The following MCEMP1 variants were observed in gnomAD, a reference collection of about 807,000 sequenced individuals.
MCEMP1 encodes mast cell expressed membrane protein 1.
In MCEMP1, 17 loss-of-function variants were observed where a neutral mutation model predicts 27.9. That is an observed-to-expected ratio of 0.61 (90% CI 0.42 to 0.91). The LOEUF (loss-of-function observed/expected upper bound fraction) is 0.91. Ranked by LOEUF, MCEMP1 falls within the 40% of genes least tolerant of loss-of-function variation. The pLI, the probability that MCEMP1 is intolerant of heterozygous loss-of-function variation, is 0.00. For missense variants in MCEMP1, 200 were observed against 204.8 expected, an observed-to-expected ratio of 0.98 and a Z score of 0.14; for synonymous variants, 88 against 76.9, an observed-to-expected ratio of 1.14 and a Z score of -0.76.
chr19:7,679,223 T>G lies in MCEMP1; in HGVS notation c.*109T>G. On this transcript the variant is annotated 3_prime_UTR_variant, in exon 7 of 7. Coordinates refer to ENST00000333598, the MANE Select transcript of MCEMP1 (RefSeq NM_174918.3). This position sits in a 1 kb window ranked among gnomAD's most constrained non-coding sequence, Gnocchi z 4.9. ...CCCCAGCCTAGTGTGAACCTGCCCC[T>G]CGTCCCACGTATAGAAAAACCTCGA... is the stretch of plus-strand genomic sequence containing the variant. The G allele has an allele frequency of 8.0e-7, 1 of 1,251,576 alleles. No homozygotes were observed. Among genetic ancestry groups the G allele is most frequent in the Non-Finnish European group, 1.1e-6 (1 of 933,822 alleles). 77.5% of individuals were successfully genotyped at this position (1,251,576 alleles called of 1,614,324 possible).
Position 7,678,725 on chromosome 19 carries a change from T to A in MCEMP1, c.448+121T>A. On this transcript the variant is annotated intron_variant, in intron 5 of 6. Coordinates refer to ENST00000333598, the MANE Select transcript of MCEMP1 (RefSeq NM_174918.3). This position sits in a 1 kb window ranked among gnomAD's most constrained non-coding sequence, Gnocchi z 4.8. ...TCCTACCCTCCCAAAGCTCAAGTTG[T>A]GGAGGGGCGATGGGTGTTACCATCT... 1 of 1,155,688 alleles carries A rather than the reference T, an allele frequency of 8.7e-7. No individual in the cohort carries two copies. The highest frequency in any genetic ancestry group is 1.3e-6 in the Non-Finnish European group (1 of 795,186). The allele number at this position is 1,155,688 out of a possible 1,614,324, so 71.6% of individuals were successfully genotyped here.
At position 7,677,934 on chromosome 19, in the gene MCEMP1, G is replaced by T. The variant is rs943628668; in HGVS notation, c.146-170G>T. ...TCTGTGATGGTGACGGTGTTAGATC[G>T]CTGAGGGTGGCTGGTGGTGGCAGTG... On this transcript the variant is annotated intron_variant, in intron 2 of 6. Transcript: ENST00000333598. This position sits in a 1 kb window ranked among gnomAD's most constrained non-coding sequence, Gnocchi z 4.6. The T allele has an allele frequency of 8.8e-7, 1 of 1,136,774 alleles. No homozygotes were observed. 70.4% of individuals were successfully genotyped at this position (1,136,774 alleles called of 1,614,324 possible).
Position 7,677,899 on chromosome 19 carries a change from G to A in MCEMP1, c.145+173G>A. 9.7e-7 allele frequency: 1 copy of A among 1,032,002 alleles called. No homozygotes were observed. Among genetic ancestry groups the A allele is most frequent in the Non-Finnish European group, 1.4e-6 (1 of 696,252 alleles). 63.9% of individuals were successfully genotyped at this position (1,032,002 alleles called of 1,614,324 possible). On this transcript the variant is annotated intron_variant, in intron 2 of 6. Transcript: ENST00000333598. The surrounding 1 kb of genome is among the most constrained non-coding windows in gnomAD (Gnocchi z 4.6). ...GATGATGACAATGTTGGGGAATGCT[G>A]GAGAGGGGGTCTGTGATGGTGACGG...
chr19:7,678,019 G>A lies in MCEMP1; in HGVS notation c.146-85G>A. On this transcript the variant is annotated intron_variant, in intron 2 of 6. Transcript: ENST00000333598. This position sits in a 1 kb window ranked among gnomAD's most constrained non-coding sequence, Gnocchi z 4.8. ...CTGCTGATGGTTTTGAGAGGAGCGAGGTGTCCATGGTGTTAGAGACAGTGA... is the reference window on the plus strand; with the variant it reads ...CTGCTGATGGTTTTGAGAGGAGCGAAGTGTCCATGGTGTTAGAGACAGTGA... 6.7e-7 allele frequency: 1 copy of A among 1,499,278 alleles called. No homozygotes were observed. The highest frequency in any genetic ancestry group is 1.4e-5 in the African/African-American group (1 of 71,374). 92.9% of individuals were successfully genotyped at this position (1,499,278 alleles called of 1,614,324 possible). A position where few individuals can be genotyped will look rare whatever the true frequency, so the allele number is the denominator to read the frequency against.
In MCEMP1 at chr19:7,677,469, C is replaced by T. The variant is rs1202869426; in HGVS notation, c.56-168C>T. 6.6e-6 allele frequency among the ~76,000 whole-genome samples: 1 copy of T among 152,014 alleles called. No individual in the cohort carries two copies. The highest frequency in any genetic ancestry group is 2.4e-5 in the African/African-American group (1 of 41,394). On this transcript the variant is annotated intron_variant, in intron 1 of 6. Transcript: ENST00000333598. The surrounding 1 kb of genome is among the most constrained non-coding windows in gnomAD (Gnocchi z 4.6). ...TGTGGATGTGTGTGTGGTGTGATCA[C>T]TCAAACTCTCACACACCCGCTCCAC... is the stretch of plus-strand genomic sequence containing the variant.
In MCEMP1 at chr19:7,677,532, C is replaced by A. The variant is rs1349517519; in HGVS notation, c.56-105C>A. The A allele has an allele frequency of 2.6e-6, 3 of 1,166,612 alleles. No individual in the cohort carries two copies. The highest frequency in any genetic ancestry group is 3.1e-5 in the African/African-American group (2 of 65,562). 72.3% of individuals were successfully genotyped at this position (1,166,612 alleles called of 1,614,324 possible). On this transcript the variant is annotated intron_variant, in intron 1 of 6. Transcript: ENST00000333598. The surrounding 1 kb of genome is among the most constrained non-coding windows in gnomAD (Gnocchi z 4.6). ...CAGATTTTAGCTTCTCACTCCTTAT[C>A]TTTCACCCCCTACAATTTATTGAGT...
chr19:7,678,119 G>A lies in MCEMP1; in HGVS notation c.161G>A (p.Arg54Lys). 1.2e-6 allele frequency: 2 copies of A among 1,608,186 alleles called. No individual in the cohort carries two copies. Among genetic ancestry groups the A allele is most frequent in the Non-Finnish European group, 1.7e-6 (2 of 1,177,376 alleles). Residue 54 changes from arginine (R) to lysine (K), a missense_variant, in exon 3 of 7, where the codon AGG becomes AAG. Transcript: ENST00000333598. The surrounding 1 kb of genome is among the most constrained non-coding windows in gnomAD (Gnocchi z 4.8). Reference protein sequence around the residue: ...RPTSQVPAQCRPPSDSTQVPC... With the variant: ...RPTSQVPAQCKPPSDSTQVPC... ...TTTGCTCCAGTCCCAGCCCAGTGCA[G>A]GCCGCCCTCAGACTCCACCCAGGTC...
rs2032575915 is a variant in MCEMP1 at position 7,678,351 on chromosome 19, T to C, written c.285T>C (p.Asn95=). The part of the protein sequence containing the change: ...IILSAFIMVK[N]AEMSKELLGF... ...GATTTTCCTGCCCCTCCTGAACAGA[T>C]GCTGAGATGTCCAAGGAGCTGCTGG... is the stretch of plus-strand genomic sequence containing the variant. Residue 95 remains asparagine, a splice_region_variant and synonymous_variant, in exon 4 of 7, where the codon AAT becomes AAC. Coordinates refer to ENST00000333598, the MANE Select transcript of MCEMP1 (RefSeq NM_174918.3). This position sits in a 1 kb window ranked among gnomAD's most constrained non-coding sequence, Gnocchi z 4.8. The C allele has an allele frequency of 1.9e-6, 3 of 1,613,908 alleles. No individual in the cohort carries two copies. Among genetic ancestry groups the C allele is most frequent in the Non-Finnish European group, 2.5e-6 (3 of 1,180,000 alleles).
Position 7,678,838 on chromosome 19 carries a change from G to T in MCEMP1, c.449-86G>T. 2.2e-6 allele frequency: 3 copies of T among 1,361,892 alleles called. No individual in the cohort carries two copies. The highest frequency in any genetic ancestry group is 1.3e-5 in the South Asian group (1 of 74,094). The allele number at this position is 1,361,892 out of a possible 1,614,324, so 84.4% of individuals were successfully genotyped here. ...CCAGGGTGGGTGTGGGGCAGGGGGG[G>T]TGCTTCCAAGGAAGGTGGGGGCTTT... On this transcript the variant is annotated intron_variant, in intron 5 of 6. Coordinates refer to ENST00000333598, the MANE Select transcript of MCEMP1 (RefSeq NM_174918.3). The surrounding 1 kb of genome is among the most constrained non-coding windows in gnomAD (Gnocchi z 4.8).
chr19:7,677,859 C>T lies in MCEMP1; in HGVS notation c.145+133C>T. The T allele has an allele frequency of 3.9e-6, 4 of 1,034,286 alleles. No homozygotes were observed. In the South Asian group the frequency reaches 4.7e-5, roughly 12 times the overall value. The allele number at this position is 1,034,286 out of a possible 1,614,324, so 64.1% of individuals were successfully genotyped here. A position where few individuals can be genotyped will look rare whatever the true frequency, so the allele number is the denominator to read the frequency against. On this transcript the variant is annotated intron_variant, in intron 2 of 6. Coordinates refer to ENST00000333598, the MANE Select transcript of MCEMP1 (RefSeq NM_174918.3). This position sits in a 1 kb window ranked among gnomAD's most constrained non-coding sequence, Gnocchi z 4.6. ...GGAAGAGGTGACAGCTGTTGACGTG[C>T]TAATGAGGTCTGTTGATGATGACAA...
Position 7,679,019 on chromosome 19 carries a change from G to C in MCEMP1, c.508+36G>C. 2 of 1,600,388 alleles carry C rather than the reference G, an allele frequency of 1.2e-6. No homozygotes were observed. Among genetic ancestry groups the C allele is most frequent in the African/African-American group, 1.3e-5 (1 of 74,840 alleles). On this transcript the variant is annotated intron_variant, in intron 6 of 6. Transcript: ENST00000333598. The surrounding 1 kb of genome is among the most constrained non-coding windows in gnomAD (Gnocchi z 4.9). ...GCCCCGACAGGAGGTGGAGGAGGGT[G>C]GGTGGGGCTTCAGATTTAGCCCCAG...
chr19:7,678,310 C>T lies in MCEMP1; in HGVS notation c.284-40C>T, dbSNP rs770333214. ...CTCCCTTGTCCTTCTCTCTCTCTCT[C>T]CCTGGGTGCTTCAAGGATTTTCCTG... On this transcript the variant is annotated intron_variant, in intron 3 of 6. Transcript: ENST00000333598. This position sits in a 1 kb window ranked among gnomAD's most constrained non-coding sequence, Gnocchi z 4.8. 1.2e-6 allele frequency: 2 copies of T among 1,614,090 alleles called. No homozygotes were observed. The highest frequency in any genetic ancestry group is 1.7e-6 in the Non-Finnish European group (2 of 1,180,024).
chr19:7,678,236 T>C lies in MCEMP1; in HGVS notation c.278T>C (p.Val93Ala). Residue 93 changes from valine (V) to alanine (A), a missense_variant, in exon 3 of 7, where the codon GTG (valine) becomes GCG (alanine). Val to Ala is a moderately conservative substitution (Grantham distance 64). Transcript: ENST00000333598. This position sits in a 1 kb window ranked among gnomAD's most constrained non-coding sequence, Gnocchi z 4.8. ...LCIILSAFIM[V>A]KNAEMSKELL... is the part of the protein sequence containing the mutation. ...ATCATCCTGTCAGCCTTCATCATGG[T>C]GAAGAGTGAGTACTTCTTGGGAGGA... 1 of 1,614,092 alleles carries C rather than the reference T, an allele frequency of 6.2e-7. No homozygotes were observed. The highest frequency in any genetic ancestry group is 8.5e-7 in the Non-Finnish European group (1 of 1,179,990).
At position 7,678,273 on chromosome 19, in the gene MCEMP1, G is replaced by A. The variant is rs74489689; in HGVS notation, c.283+32G>A. ...ACTTCTTGGGAGGAGGGTGCTGGGGGGCCTAGACTTTCTCCCTTGTCCTTC... is the reference window on the plus strand; with the variant it reads ...ACTTCTTGGGAGGAGGGTGCTGGGGAGCCTAGACTTTCTCCCTTGTCCTTC... On this transcript the variant is annotated intron_variant, in intron 3 of 6. Coordinates refer to ENST00000333598, the MANE Select transcript of MCEMP1 (RefSeq NM_174918.3). The surrounding 1 kb of genome is among the most constrained non-coding windows in gnomAD (Gnocchi z 4.8). The A allele has an allele frequency of 0.038, 61,826 of 1,613,888 alleles. 1,440 individuals are homozygous for A. The highest frequency in any genetic ancestry group is 0.045 in the Non-Finnish European group (53,351 of 1,179,904).
In MCEMP1 at chr19:7,678,811, C is replaced by A; in HGVS notation, c.449-113C>A. 1 of 1,218,752 alleles carries A rather than the reference C, an allele frequency of 8.2e-7. No individual in the cohort carries two copies. Among genetic ancestry groups the A allele is most frequent in the Non-Finnish European group, 1.2e-6 (1 of 865,340 alleles). 75.5% of individuals were successfully genotyped at this position (1,218,752 alleles called of 1,614,324 possible). On this transcript the variant is annotated intron_variant, in intron 5 of 6. Coordinates refer to ENST00000333598, the MANE Select transcript of MCEMP1 (RefSeq NM_174918.3). This position sits in a 1 kb window ranked among gnomAD's most constrained non-coding sequence, Gnocchi z 4.8. ...CCCCAAATCCATGGGCTCTGCTGTA[C>A]CCCAGGGTGGGTGTGGGGCAGGGGG...
In MCEMP1 at chr19:7,677,462, G is replaced by A. The variant is rs1037820636; in HGVS notation, c.56-175G>A. Among the ~76,000 whole-genome samples the A allele has an allele frequency of 2.6e-5, 4 of 152,072 alleles. No individual in the cohort carries two copies. The highest frequency in any genetic ancestry group is 9.7e-5 in the African/African-American group (4 of 41,406). On this transcript the variant is annotated intron_variant, in intron 1 of 6. Transcript: ENST00000333598. The surrounding 1 kb of genome is among the most constrained non-coding windows in gnomAD (Gnocchi z 4.6). ...ATGTGTGTGTGGATGTGTGTGTGGTGTGATCACTCAAACTCTCACACACCC... is the reference window on the plus strand; with the variant it reads ...ATGTGTGTGTGGATGTGTGTGTGGTATGATCACTCAAACTCTCACACACCC...
Position 7,677,110 on chromosome 19 carries a change from A to C in MCEMP1, c.-11A>C. 3 of 1,600,494 alleles carry C rather than the reference A, an allele frequency of 1.9e-6. No individual in the cohort carries two copies. Among genetic ancestry groups the C allele is most frequent in the Non-Finnish European group, 2.6e-6 (3 of 1,173,050 alleles). On this transcript the variant is annotated 5_prime_UTR_variant, in exon 1 of 7. Coordinates refer to ENST00000333598, the MANE Select transcript of MCEMP1 (RefSeq NM_174918.3). The surrounding 1 kb of genome is among the most constrained non-coding windows in gnomAD (Gnocchi z 4.6). ...GAAGTGGAGGAAATCTACAAGCACCAGGAAGTCAAGATGCAAGCACCAGCC... is the reference window on the plus strand; with the variant it reads ...GAAGTGGAGGAAATCTACAAGCACCCGGAAGTCAAGATGCAAGCACCAGCC...
In MCEMP1 at chr19:7,678,262, G is replaced by A. The variant is rs1371234092; in HGVS notation, c.283+21G>A. 1 of 1,613,866 alleles carries A rather than the reference G, an allele frequency of 6.2e-7. No homozygotes were observed. The highest frequency in any genetic ancestry group is 8.5e-7 in the Non-Finnish European group (1 of 1,179,932). On this transcript the variant is annotated intron_variant, in intron 3 of 6. Coordinates refer to ENST00000333598, the MANE Select transcript of MCEMP1 (RefSeq NM_174918.3). This position sits in a 1 kb window ranked among gnomAD's most constrained non-coding sequence, Gnocchi z 4.8. Reference sequence around the variant, plus strand: ...GAAGAGTGAGTACTTCTTGGGAGGAGGGTGCTGGGGGGCCTAGACTTTCTC... The same window carrying A: ...GAAGAGTGAGTACTTCTTGGGAGGAAGGTGCTGGGGGGCCTAGACTTTCTC...
Position 7,678,110 on chromosome 19 carries a change from C to A in MCEMP1, c.152C>A (p.Ala51Asp). 6.2e-7 allele frequency: 1 copy of A among 1,602,610 alleles called. No homozygotes were observed. Residue 51 changes from alanine to aspartate, a missense_variant, in exon 3 of 7, where the codon GCC (alanine) becomes GAC (aspartate). Transcript: ENST00000333598. The surrounding 1 kb of genome is among the most constrained non-coding windows in gnomAD (Gnocchi z 4.8). Reference protein sequence around the residue: ...GHSRPTSQVPAQCRPPSDSTQ... With the variant: ...GHSRPTSQVPDQCRPPSDSTQ... Reference sequence around the variant, plus strand: ...TGCTGCCTCTTTGCTCCAGTCCCAGCCCAGTGCAGGCCGCCCTCAGACTCC... The same window carrying A: ...TGCTGCCTCTTTGCTCCAGTCCCAGACCAGTGCAGGCCGCCCTCAGACTCC...
Sources: gnomAD v4.1 joint callset for allele counts (sites outside exome capture counted in the v4.1 genomes callset) on GRCh38, gnomAD v4.1.1 for gene constraint, Gnocchi (gnomAD v3.1) non-coding constraint, MANE v1.5 for transcripts, NCBI Gene and HGNC (gene_info 2026-07-23, HGNC 2026-07-21) for gene names.